Variants in TDP1 observed in about 807,000 individuals in gnomAD.
The protein encoded by TDP1 is tyr-DNA phosphodiesterase 1.
A neutral mutation model predicts 81.5 loss-of-function variants in TDP1; 64 were observed. That is an observed-to-expected ratio of 0.79 (90% confidence interval 0.64 to 0.97). The LOEUF is 0.97. TDP1 is among the 50% of genes least tolerant of loss of function. The probability of loss-of-function intolerance (pLI) is 0.00; values close to 1 mark genes in which losing one functional copy is unlikely to be tolerated. For synonymous variants in TDP1, 256 were observed against 264.3 expected, an observed-to-expected ratio of 0.97 and a Z score of 0.30; for missense variants, 723 against 743.8, an observed-to-expected ratio of 0.97 and a Z score of 0.33.
chr14:90,030,943 G>GTATT (rs1887207548), intron 15 of TDP1, among the ~76,000 whole-genome samples: 1 of 147,070 alleles, frequency 6.8e-6, no homozygotes, highest in African/African-American at 2.5e-5. Flanking sequence ...TTTTTTTTTT[G>GTATT]TATTTATTTA....
At chr14:89,966,452 G>A (rs180757076) in intron 4 of TDP1, among the ~76,000 whole-genome samples, 13 of 152,324 alleles carry the variant, frequency 8.5e-5, no homozygotes, top group Admixed American at 8.5e-4. Context: ...ATTCCAGCTT[G>A]AAAGACTAGA....
intron 14 of TDP1, among the ~76,000 whole-genome samples, chr14:90,009,852 C>A (rs1362993855): frequency 1.3e-5 from 2 of 152,094 alleles, no homozygotes; most frequent in Non-Finnish European, 1.5e-5. Flanking sequence ...ATATCATCAA[C>A]CATTTTTGAC....
intron 8 of TDP1, chr14:89,984,081 T>C: frequency 4.1e-6 from 4 of 982,460 alleles, no homozygotes; most frequent in Non-Finnish European, 4.8e-6. Flanking sequence ...AAGAGCTGCA[T>C]TGATGCAGAC....
At chr14:89,991,778 ATAAC>A in intron 12 of TDP1, 135 bp from the exon 13 acceptor site, 2 of 1,211,816 alleles carry the variant, frequency 1.7e-6, no homozygotes, top group African/African-American at 1.5e-5. Flanking sequence ...TTTCTTTCAA[ATAAC>A]TATTCTATAA....
intron 15 of TDP1, among the ~76,000 whole-genome samples, chr14:90,029,562 G>A (rs1470123517): frequency 1.4e-5 from 2 of 143,512 alleles, no homozygotes; most frequent in Non-Finnish European, 1.5e-5. Context: ...ACAGTGGCTC[G>A]ATCTCGGCTC....
At chr14:89,996,533 G>A (rs1197634665) in intron 14 of TDP1, among the ~76,000 whole-genome samples, 1 of 152,160 alleles carries the variant, frequency 6.6e-6, no homozygotes, top group Non-Finnish European at 1.5e-5. Flanking sequence ...CAGATCCTTA[G>A]ATCCGTGTGC....
chr14:90,042,861 T>G (rs1297448324), intron 16 of TDP1: 2 of 985,136 alleles, frequency 2.0e-6, no homozygotes, highest in Admixed American at 6.1e-5. Context: ...GCCAAACCTT[T>G]TCATTCCCCA....
At chr14:89,993,014 A>G (rs34389786) in intron 13 of TDP1, 31,170 of 910,836 alleles carry the variant, frequency 0.034, 814 homozygotes, top group African/African-American at 0.12. Flanking sequence ...TACTCATAAC[A>G]CACCGTGGAA....
intron 2 of TDP1, chr14:89,957,121 C>G (rs1218305077): frequency 6.6e-6 from 1 of 152,198 alleles, no homozygotes; most frequent in Non-Finnish European, 1.5e-5. Flanking sequence ...ACAGCAGGTT[C>G]CTTTTGGCCC....
chr14:90,010,272 A>G (rs1884546483), intron 14 of TDP1, among the ~76,000 whole-genome samples: 2 of 152,250 alleles, frequency 1.3e-5, no homozygotes, highest in African/African-American at 2.4e-5. Context: ...AAAATGGAAG[A>G]AAACAAGCAA....
intron 14 of TDP1, among the ~76,000 whole-genome samples, chr14:90,007,086 AG>A (rs1884116080): frequency 6.6e-6 from 1 of 152,174 alleles, no homozygotes; most frequent in African/African-American, 2.4e-5. Context: ...TCTTGTTTAC[AG>A]TTACCCATAA....
intron 14 of TDP1, among the ~76,000 whole-genome samples, chr14:89,993,785 G>C (rs1896431420): frequency 6.6e-6 from 1 of 152,176 alleles, no homozygotes; most frequent in African/African-American, 2.4e-5. Flanking sequence ...GGTAAGTACA[G>C]AAGAATAATG....
At chr14:90,000,454 G>C (rs994967967) in intron 14 of TDP1, among the ~76,000 whole-genome samples, 1 of 152,042 alleles carries the variant, frequency 6.6e-6, no homozygotes, top group Admixed American at 6.6e-5. Context: ...TCACGATCTC[G>C]GCTCACTGCA....
At chr14:89,981,662 G>C (rs1894990560) in intron 8 of TDP1, 2 of 314,386 alleles carry the variant, frequency 6.4e-6, no homozygotes, top group South Asian at 5.4e-5. Flanking sequence ...TTTCAGCTAA[G>C]CTCTGCTGAG....
rs35744477 is a variant in TDP1, at chr14:89,976,527, C to CTTTT, written c.791+737_791+740dup. On this transcript the variant is annotated intron_variant, in intron 7 of 16. Coordinates refer to ENST00000335725, the MANE Select transcript of TDP1 (RefSeq NM_018319.4). ...TTTGCAGGTTAAACTCAACAGAGCTCTTTTTTTTTTTTTTTTTTTTTTTTT... is the reference window on the plus strand; with the variant it reads ...TTTGCAGGTTAAACTCAACAGAGCTCTTTTTTTTTTTTTTTTTTTTTTTTTTTTT... Among the ~76,000 whole-genome samples the CTTTT allele has an allele frequency of 1.1e-4, 10 of 88,754 alleles. 1 individual carries two copies. Among genetic ancestry groups the CTTTT allele is most frequent in the South Asian group, 3.7e-4 (1 of 2,732 alleles). The allele number at this position is 88,754 out of a possible 152,430, so 58.2% of individuals were successfully genotyped here.
intron 12 of TDP1, among the ~76,000 whole-genome samples, chr14:89,990,641 G>A (rs1161266764): frequency 8.9e-6 from 1 of 112,744 alleles, no homozygotes; most frequent in Admixed American, 1.0e-4. Context: ...TACTCTTTTT[G>A]TGCCTCTAAT....
intron 16 of TDP1, among the ~76,000 whole-genome samples, chr14:90,034,501 C>T (rs1434388881): frequency 1.3e-5 from 2 of 152,210 alleles, no homozygotes; most frequent in African/African-American, 4.8e-5. Context: ...GTGTACCCAC[C>T]TATGTCTGGC....
intron 14 of TDP1, among the ~76,000 whole-genome samples, chr14:90,014,790 A>G (rs1885124270): frequency 6.6e-6 from 1 of 152,166 alleles, no homozygotes; most frequent in Admixed American, 6.5e-5. Flanking sequence ...CAGCCACTCT[A>G]ATTGGTGTTC....
At chr14:89,970,698 A>G (rs1893524324) in intron 5 of TDP1, 1 of 352,470 alleles carries the variant, frequency 2.8e-6, no homozygotes, top group Non-Finnish European at 4.0e-6. Context: ...TGGTAAATGA[A>G]CATTAGCTTT....
Sources: gnomAD v4.1 joint callset for allele counts (sites outside exome capture counted in the v4.1 genomes callset) on GRCh38, gnomAD v4.1.1 for gene constraint, MANE v1.5 for transcripts, NCBI Gene and HGNC (gene_info 2026-07-23, HGNC 2026-07-21) for gene names.